Variants in OPCML observed in about 807,000 individuals in gnomAD.
OPCML encodes the protein opioid-binding protein/cell adhesion molecule.
A neutral mutation model predicts 37.8 loss-of-function variants in OPCML; 13 were observed. The observed-to-expected ratio is 0.34, with a 90% CI of 0.22 to 0.55. OPCML has a LOEUF of 0.55. Among genes scored for constraint, OPCML ranks in the 20% least tolerant of loss-of-function variants. The pLI is 0.91. For missense variants in OPCML, 341 were observed against 435.6 expected (o/e 0.78, Z 1.93); for synonymous variants, 176 against 168.8 (o/e 1.04, Z -0.33).
intron 2 of OPCML, among the ~76,000 whole-genome samples, chr11:132,797,052 T>C (rs778265266): frequency 2.0e-5 from 3 of 152,232 alleles, no homozygotes; most frequent in Non-Finnish European, 4.4e-5. Flanking sequence ...TCTCTCACTC[T>C]GGGTTTTATT....
chr11:133,224,060 C>G (rs1180893439), intron 1 of OPCML, among the ~76,000 whole-genome samples: 1 of 152,154 alleles, frequency 6.6e-6, no homozygotes, highest in Non-Finnish European at 1.5e-5. Context: ...GACTCATTTG[C>G]AAGAACTGCC....
intron 2 of OPCML, among the ~76,000 whole-genome samples, chr11:132,727,368 T>TTGTGGGC (rs1400674714): frequency 6.6e-6 from 1 of 152,188 alleles, no homozygotes; most frequent in Non-Finnish European, 1.5e-5. Flanking sequence ...TCCCGGTAAC[T>TTGTGGGC]TGTGGGCTTC....
At chr11:133,057,556 A>C (rs1295481361) in intron 1 of OPCML, among the ~76,000 whole-genome samples, 1 of 152,094 alleles carries the variant, frequency 6.6e-6, no homozygotes, top group African/African-American at 2.4e-5. Flanking sequence ...TGGAGGACAG[A>C]GTTTGAGGTC....
intron 2 of OPCML, among the ~76,000 whole-genome samples, chr11:132,807,316 T>C (rs912782230): frequency 1.2e-4 from 18 of 152,016 alleles, no homozygotes; most frequent in African/African-American, 3.9e-4. Flanking sequence ...ATTACCAACA[T>C]GAAGAATAAA....
intron 1 of OPCML, among the ~76,000 whole-genome samples, chr11:133,286,373 G>C (rs1425587421): frequency 6.6e-6 from 1 of 150,992 alleles, no homozygotes; most frequent in Admixed American, 6.7e-5. Context: ...GGGAGGTTGA[G>C]GCAGGAGAAT....
In OPCML at chr11:132,907,217, A is replaced by G. The variant is rs76681810; in HGVS notation, c.146+35709T>C. Among the ~76,000 whole-genome samples, 220 of 152,218 alleles carry G rather than the reference A, an allele frequency of 1.4e-3. 1 individual carries two copies. Among genetic ancestry groups the G allele is most frequent in the African/African-American group, 5.0e-3 (207 of 41,538 alleles). ...TGAACCCTCCACATTTTCTCAATCCATCCTTCTAACACTCTAACGGTAAAA... is the reference window on the plus strand; with the variant it reads ...TGAACCCTCCACATTTTCTCAATCCGTCCTTCTAACACTCTAACGGTAAAA... On this transcript the variant is annotated intron_variant, in intron 2 of 7. Coordinates refer to ENST00000524381, the MANE Select transcript of OPCML (RefSeq NM_001012393.5).
intron 2 of OPCML, among the ~76,000 whole-genome samples, chr11:132,861,838 TAAAA>T (rs58457650): frequency 1.1e-5 from 1 of 94,374 alleles, no homozygotes. Flanking sequence ...CCATCTCAAA[TAAAA>T]AAAAAAAAAA....
chr11:132,916,908 C>T (rs533251460), intron 2 of OPCML, among the ~76,000 whole-genome samples: 1 of 152,290 alleles, frequency 6.6e-6, no homozygotes, highest in South Asian at 2.1e-4. Context: ...GGAAATTAAA[C>T]TTTCACTAAG....
At chr11:133,166,870 T>C (rs1445511358) in intron 1 of OPCML, among the ~76,000 whole-genome samples, 1 of 152,236 alleles carries the variant, frequency 6.6e-6, no homozygotes, top group Non-Finnish European at 1.5e-5. Context: ...AGTATTGGCA[T>C]TGTGTTGGAT....
intron 3 of OPCML, among the ~76,000 whole-genome samples, chr11:132,583,649 T>C (rs1029845521): frequency 2.0e-5 from 3 of 152,004 alleles, no homozygotes; most frequent in African/African-American, 7.2e-5. Context: ...AGAGTTTTGC[T>C]CTTGTTTCCC....
intron 1 of OPCML, among the ~76,000 whole-genome samples, chr11:133,480,567 C>T (rs1390499650): frequency 2.0e-5 from 3 of 152,244 alleles, no homozygotes; most frequent in Non-Finnish European, 2.9e-5. Context: ...GGCAGCATCA[C>T]TCAGGCTCTT....
intron 1 of OPCML, among the ~76,000 whole-genome samples, chr11:133,076,042 T>C (rs1948616212): frequency 6.6e-6 from 1 of 152,226 alleles, no homozygotes; most frequent in African/African-American, 2.4e-5. Context: ...TTTTAGAATT[T>C]TAGAAAGACG....
chr11:132,537,188 C>A (rs1447324777), intron 3 of OPCML, among the ~76,000 whole-genome samples: 1 of 152,114 alleles, frequency 6.6e-6, no homozygotes. Flanking sequence ...CTTTAATTCC[C>A]AACACATTCT....
At chr11:133,450,979 C>T (rs977767018) in intron 1 of OPCML, among the ~76,000 whole-genome samples, 1 of 151,578 alleles carries the variant, frequency 6.6e-6, no homozygotes, top group Non-Finnish European at 1.5e-5. Flanking sequence ...TTAAACATAC[C>T]ATATATATGT....
chr11:133,274,567 C>T (rs767917153), intron 1 of OPCML, among the ~76,000 whole-genome samples: 5 of 152,200 alleles, frequency 3.3e-5, no homozygotes, highest in Non-Finnish European at 7.3e-5. Context: ...CCTACAGCCT[C>T]TGGCCCTGTG....
chr11:132,735,183 A>G (rs1945213795), intron 2 of OPCML, among the ~76,000 whole-genome samples: 2 of 152,188 alleles, frequency 1.3e-5, no homozygotes, highest in Non-Finnish European at 1.5e-5. Flanking sequence ...AAATTTTAAA[A>G]AATAGCTTCT....
chr11:132,858,544 G>T (rs1942160216), intron 2 of OPCML, among the ~76,000 whole-genome samples: 2 of 152,204 alleles, frequency 1.3e-5, no homozygotes, highest in African/African-American at 2.4e-5. Context: ...GACTTGTGAG[G>T]CTCCACCCAA....
At chr11:133,199,612 A>C (rs978127853) in intron 1 of OPCML, among the ~76,000 whole-genome samples, 6 of 152,176 alleles carry the variant, frequency 3.9e-5, no homozygotes, top group Non-Finnish European at 8.8e-5. Context: ...TTCCACTTGT[A>C]CATTTTCATC....
chr11:132,691,947 T>C (rs540814466), intron 2 of OPCML, among the ~76,000 whole-genome samples: 2 of 152,302 alleles, frequency 1.3e-5, no homozygotes, highest in East Asian at 3.9e-4. Context: ...GGACTTGATA[T>C]GGCAAAATAC....
Sources: allele counts gnomAD v4.1 joint callset (sites outside exome capture counted in the v4.1 genomes callset), GRCh38; gene constraint gnomAD v4.1.1; transcripts MANE v1.5; gene names NCBI Gene and HGNC (gene_info 2026-07-23, HGNC 2026-07-21).